Variants in TXNRD1 observed in about 807,000 individuals in gnomAD.
TXNRD1 encodes the protein thioredoxin reductase 1.
In TXNRD1, 57 loss-of-function variants were observed where a neutral mutation model predicts 80.3. That is an observed-to-expected ratio of 0.71 (90% CI 0.57 to 0.89). The LOEUF (loss-of-function observed/expected upper bound fraction) is 0.89. TXNRD1 is among the 40% of genes least tolerant of loss of function. The pLI is 0.00. For synonymous variants in TXNRD1, 291 were observed against 285.2 expected (o/e 1.02, Z -0.20); for missense variants, 730 against 803.0 (o/e 0.91, Z 1.10).
intron 1 of TXNRD1, among the ~76,000 whole-genome samples, chr12:104,238,414 A>T (rs1014858635): frequency 1.4e-4 from 22 of 152,226 alleles, no homozygotes; most frequent in Admixed American, 4.6e-4. Context: ...AAGTTAAAGC[A>T]CCCTTTTTGA....
intron 6 of TXNRD1, 142 bp downstream of exon 6, chr12:104,313,459 T>A: frequency 1.6e-6 from 1 of 628,086 alleles, no homozygotes; most frequent in South Asian, 2.5e-5. Context: ...ATATCTTTTA[T>A]TTGAGCCAAG....
At chr12:104,267,665 C>CTTTCTTTCTTTCTTTG (rs1565870095) in intron 3 of TXNRD1, among the ~76,000 whole-genome samples, 12 of 32,822 alleles carry the variant, frequency 3.7e-4, no homozygotes, top group African/African-American at 1.1e-3. Flanking sequence ...TTCTTTCTTT[C>CTTTCTTTCTTTCTTTG]TTTCTTTCTT....
At chr12:104,347,757 G>A (rs922290473) in intron 16 of TXNRD1, among the ~76,000 whole-genome samples, 2 of 152,160 alleles carry the variant, frequency 1.3e-5, no homozygotes, top group African/African-American at 4.8e-5. Flanking sequence ...CACTGTATGT[G>A]TTGTTCTATA....
At chr12:104,309,175 C>T (rs984916769) in intron 4 of TXNRD1, among the ~76,000 whole-genome samples, 1 of 152,196 alleles carries the variant, frequency 6.6e-6, no homozygotes, top group Admixed American at 6.5e-5. Context: ...GCTGGGATTA[C>T]AGGCATGAGC....
At chr12:104,255,306 C>T (rs1235504767) in intron 2 of TXNRD1, among the ~76,000 whole-genome samples, 46 of 151,116 alleles carry the variant, frequency 3.0e-4, no homozygotes, top group Non-Finnish European at 1.5e-5. Context: ...TTTTTTAGTC[C>T]CTATTATGCC....
intron 4 of TXNRD1, among the ~76,000 whole-genome samples, chr12:104,289,882 G>A (rs762556778): frequency 4.6e-5 from 7 of 152,018 alleles, no homozygotes; most frequent in Non-Finnish European, 8.8e-5. Context: ...ACAGGTGCCC[G>A]CCACTACACC....
Position 104,251,695 on chromosome 12 carries a change from A to G in TXNRD1, c.243+17A>G, listed in dbSNP as rs774045528. On this transcript the variant is annotated intron_variant, in intron 2 of 16. Coordinates refer to ENST00000525566, the MANE Select transcript of TXNRD1 (RefSeq NM_001093771.3). ...TGTACTGAGGTAAGGCTTTAAACTCAAGGGGTTTAAATGGAATTGAAGGAA... is the reference window on the plus strand; with the variant it reads ...TGTACTGAGGTAAGGCTTTAAACTCGAGGGGTTTAAATGGAATTGAAGGAA... The G allele has an allele frequency of 6.2e-7, 1 of 1,605,268 alleles. No homozygotes were observed. The highest frequency in any genetic ancestry group is 8.5e-7 in the Non-Finnish European group (1 of 1,176,242).
At chr12:104,306,421 A>G (rs934732987) in intron 4 of TXNRD1, among the ~76,000 whole-genome samples, 12 of 152,316 alleles carry the variant, frequency 7.9e-5, no homozygotes, top group Non-Finnish European at 1.3e-4. Context: ...CTTCCCCTTG[A>G]TCCCTATAGG....
intron 16 of TXNRD1, among the ~76,000 whole-genome samples, chr12:104,347,696 C>T (rs2036537519): frequency 1.3e-5 from 2 of 152,142 alleles, no homozygotes; most frequent in Admixed American, 1.3e-4. Flanking sequence ...ATGTGTGATT[C>T]ATATTCACTA....
chr12:104,322,576 C>T (rs952103200), intron 10 of TXNRD1, among the ~76,000 whole-genome samples: 18 of 151,838 alleles, frequency 1.2e-4, no homozygotes, highest in African/African-American at 4.4e-4. Context: ...AGAGGGCTTT[C>T]ACCATGTTGG....
At chr12:104,318,117 CCAGTCTGGG>C (rs1156519598) in intron 7 of TXNRD1, among the ~76,000 whole-genome samples, 12 of 152,198 alleles carry the variant, frequency 7.9e-5, no homozygotes, top group Non-Finnish European at 8.8e-5. Context: ...CCACTGCATT[CCAGTCTGGG>C]CAGTCTGGGC....
intron 10 of TXNRD1, among the ~76,000 whole-genome samples, chr12:104,322,430 G>T (rs1443235097): frequency 7.5e-6 from 1 of 132,946 alleles, no homozygotes; most frequent in Non-Finnish European, 1.5e-5. Context: ...ACCCAGGCTG[G>T]AGTGCAGTAG....
chr12:104,304,700 G>A (rs2034813882), intron 4 of TXNRD1: 1 of 1,613,862 alleles, frequency 6.2e-7, no homozygotes, highest in Non-Finnish European at 8.5e-7. Flanking sequence ...TTCTCGTACT[G>A]TGGAGAATAT....
chr12:104,317,209 A>C (rs970941386), intron 7 of TXNRD1, among the ~76,000 whole-genome samples: 4 of 152,132 alleles, frequency 2.6e-5, no homozygotes, highest in Admixed American at 1.3e-4. Flanking sequence ...ATACTATTCT[A>C]TTCCACTCCT....
At position 104,215,814 on chromosome 12, in the gene TXNRD1, C is replaced by T. The variant is rs1159595433; in HGVS notation, c.12C>T (p.Ala4=). The change falls in exon 1 of 17, where the codon GCC becomes GCT. Residue 4 remains alanine, a synonymous_variant. Transcript: ENST00000525566. ...GGGCCTTGTGCGACATGGGCTGCGC[C>T]GAGGGCAAGGCAGTGGCGGCGGCCG... MGC[A]EGKAVAAAAP... is the part of the protein sequence containing the mutation. 1 of 1,562,374 alleles carries T rather than the reference C, an allele frequency of 6.4e-7. No homozygotes were observed. Among genetic ancestry groups the T allele is most frequent in the Non-Finnish European group, 8.7e-7 (1 of 1,153,920 alleles).
chr12:104,319,627 G>T, intron 9 of TXNRD1, 42 bp downstream of exon 9: 1 of 1,418,758 alleles, frequency 7.0e-7, no homozygotes, highest in Non-Finnish European at 9.7e-7. Flanking sequence ...ACCCATTGTG[G>T]ATATTGCTTT....
At chr12:104,346,005 A>G (rs1410278476) in intron 16 of TXNRD1, 2 of 1,287,954 alleles carry the variant, frequency 1.6e-6, no homozygotes, top group South Asian at 1.2e-5. Flanking sequence ...AAATCTGTCA[A>G]TTGACCCAAG....
chr12:104,271,347 TTG>T (rs1245487618), intron 3 of TXNRD1, among the ~76,000 whole-genome samples: 17 of 152,010 alleles, frequency 1.1e-4, no homozygotes, highest in East Asian at 5.8e-4. Flanking sequence ...CACTAATTTT[TTG>T]TGTTTTTTTA....
rs2032194991 is a variant in TXNRD1, at chr12:104,215,883, C to T, written c.81C>T (p.Arg27=). The change falls in exon 1 of 17, where the codon CGC becomes CGT. Residue 27 remains arginine, a synonymous_variant. Transcript: ENST00000525566. The part of the protein sequence containing the change: ...LQTKGKNGDG[R]RRSAKDHHPG... ...CGAAAGGCAAGAACGGCGATGGCCG[C>T]CGTAGGTCAGGTACGACCGAGGGCG... is the stretch of plus-strand genomic sequence containing the variant. 3 of 1,555,872 alleles carry T rather than the reference C, an allele frequency of 1.9e-6. No individual in the cohort carries two copies. In the South Asian group the frequency reaches 3.6e-5, roughly 18 times the overall value.
Sources: gnomAD v4.1 joint callset for allele counts (sites outside exome capture counted in the v4.1 genomes callset) on GRCh38, gnomAD v4.1.1 for gene constraint, MANE v1.5 for transcripts, NCBI Gene and HGNC (gene_info 2026-07-23, HGNC 2026-07-21) for gene names.